The following MEF2C variants were observed in gnomAD, a reference collection of about 807,000 sequenced individuals.
MEF2C encodes myocyte enhancer factor 2C.
Under a neutral mutation model 50.5 loss-of-function variants are expected in MEF2C, and 6 were observed. That is an observed-to-expected ratio of 0.12 (90% CI 0.07 to 0.23). The LOEUF (loss-of-function observed/expected upper bound fraction) is 0.23, where lower values mean the gene tolerates loss of function less well. Ranked by LOEUF, MEF2C falls within the 10% of genes least tolerant of loss-of-function variation. The pLI is 1.00. For synonymous variants in MEF2C, 183 were observed against 228.0 expected (o/e 0.80, Z 1.78); for missense variants, 276 against 605.0 (o/e 0.46, Z 5.70).
chr5:88,887,436 GAGTTTGGC>G (rs1834128503), upstream of MEF2C: 2 of 152,156 alleles, frequency 1.3e-5, no homozygotes, highest in African/African-American at 4.8e-5. Flanking sequence ...TAAGGCCAAG[GAGTTTGGC>G]AGTTTTACCT....
chr5:88,844,617 CA>C, intron 1 of MEF2C: 5 of 799,824 alleles, frequency 6.3e-6, no homozygotes, highest in Non-Finnish European at 7.6e-6. Flanking sequence ...CACAGTACAC[CA>C]AAAATACTAA....
chr5:88,753,935 T>C (rs1418329314), intron 4 of MEF2C, among the ~76,000 whole-genome samples: 4 of 152,202 alleles, frequency 2.6e-5, no homozygotes, highest in Non-Finnish European at 5.9e-5. Context: ...ATGAATAAAA[T>C]ATTGTATTTC....
chr5:88,752,479 T>C, intron 4 of MEF2C: 3 of 476,710 alleles, frequency 6.3e-6, no homozygotes, highest in Non-Finnish European at 8.2e-6. Flanking sequence ...ATGTAGAAGT[T>C]TAATGATAGA....
At position 88,720,167 on chromosome 5, in the gene MEF2C, A is replaced by T. The variant is rs1755812834; in HGVS notation, c.*2437T>A. ...TAGAAGGATGGGTTGTAAGGATGGG[A>T]TCAAGTCTATGGTGAGGAAAATGAT... is the stretch of plus-strand genomic sequence containing the variant. On this transcript the variant is annotated 3_prime_UTR_variant, in exon 11 of 11. Transcript: ENST00000504921. The T allele has an allele frequency of 6.6e-6, 1 of 152,090 alleles. No homozygotes were observed. Among genetic ancestry groups the T allele is most frequent in the South Asian group, 2.1e-4 (1 of 4,832 alleles). 9.4% of individuals were successfully genotyped at this position (152,090 alleles called of 1,614,324 possible).
At chr5:88,829,954 T>A (rs1333870115) in intron 1 of MEF2C, among the ~76,000 whole-genome samples, 1 of 152,004 alleles carries the variant, frequency 6.6e-6, no homozygotes, top group African/African-American at 2.4e-5. Flanking sequence ...CTCGTATGAT[T>A]GCTTCCGTTT....
chr5:88,788,296 G>A (rs998183083), intron 3 of MEF2C, among the ~76,000 whole-genome samples: 3 of 152,094 alleles, frequency 2.0e-5, no homozygotes, highest in African/African-American at 7.2e-5. Context: ...CGCCTCCCGG[G>A]CTCAAGCAAT....
chr5:88,848,165 T>C (rs1286629624), intron 1 of MEF2C, among the ~76,000 whole-genome samples: 1 of 152,094 alleles, frequency 6.6e-6, no homozygotes, highest in East Asian at 1.9e-4. Context: ...TATAGAATAA[T>C]TTGCCATTTA....
chr5:88,731,274 C>T (rs1277291141), intron 7 of MEF2C, among the ~76,000 whole-genome samples: 1 of 152,056 alleles, frequency 6.6e-6, no homozygotes, highest in Non-Finnish European at 1.5e-5. Context: ...AAAGGATTTG[C>T]TAATTAACAG....
chr5:88,736,927 A>T, intron 6 of MEF2C: 1 of 985,310 alleles, frequency 1.0e-6, no homozygotes, highest in Non-Finnish European at 1.2e-6. Flanking sequence ...TTAAGGATCA[A>T]CTAAAGTTCC....
chr5:88,747,151 T>G (rs1291253765), intron 6 of MEF2C, among the ~76,000 whole-genome samples: 1 of 152,170 alleles, frequency 6.6e-6, no homozygotes. Context: ...TCTCTATCCC[T>G]AGAGGATCAT....
At chr5:88,874,196 T>C (rs184309500) in intron 1 of MEF2C, among the ~76,000 whole-genome samples, 1 of 152,124 alleles carries the variant, frequency 6.6e-6, no homozygotes, top group East Asian at 1.9e-4. Context: ...TAATCGGGTA[T>C]AGTTTTATCA....
chr5:88,855,421 T>C (rs1024683600), intron 1 of MEF2C, among the ~76,000 whole-genome samples: 6 of 152,236 alleles, frequency 3.9e-5, no homozygotes, highest in African/African-American at 7.2e-5. Flanking sequence ...GTTCACAGAT[T>C]ATTTTTCTGA....
At chr5:88,824,267 T>C (rs1581244155) in intron 1 of MEF2C, 2 of 984,668 alleles carry the variant, frequency 2.0e-6, no homozygotes, top group African/African-American at 1.7e-5. Context: ...TCACCCGTTA[T>C]GAAAAATTAC....
At chr5:88,766,292 A>G (rs1042678359) in intron 3 of MEF2C, among the ~76,000 whole-genome samples, 1 of 152,230 alleles carries the variant, frequency 6.6e-6, no homozygotes, top group African/African-American at 2.4e-5. Context: ...AGAATGCTAC[A>G]TGGAGCTCTC....
intron 3 of MEF2C, among the ~76,000 whole-genome samples, chr5:88,787,239 A>G (rs923902233): frequency 1.3e-5 from 2 of 152,252 alleles, no homozygotes; most frequent in South Asian, 2.1e-4. Context: ...TAAATAATAC[A>G]CTTATTAGCA....
chr5:88,722,607 T>A lies in MEF2C; in HGVS notation c.1419A>T (p.Thr473=). 6.2e-7 allele frequency: 1 copy of A among 1,608,394 alleles called. No individual in the cohort carries two copies. Among genetic ancestry groups the A allele is most frequent in the Non-Finnish European group, 8.5e-7 (1 of 1,177,152 alleles). The change falls in exon 11 of 11, where the codon ACA becomes ACT. Residue 473 remains threonine, a synonymous_variant. Transcript: ENST00000504921. ...KRMRLSEGWA[T] ...AAACTAGTAAGTAATAATCTGATCA[T>A]GTTGCCCATCCTTCAGAAAGTCGCA...
chr5:88,840,023 A>G (rs1816755224), intron 1 of MEF2C, among the ~76,000 whole-genome samples: 1 of 152,254 alleles, frequency 6.6e-6, no homozygotes. Context: ...CTAAGGTAAG[A>G]GTAGAAACAC....
chr5:88,832,365 GAAATTATCTCTT>G (rs1372729701), intron 1 of MEF2C, among the ~76,000 whole-genome samples: 1 of 151,534 alleles, frequency 6.6e-6, no homozygotes, highest in African/African-American at 2.4e-5. Flanking sequence ...TTTAACATTT[GAAATTATCTCTT>G]TACCTCCCTC....
intron 3 of MEF2C, among the ~76,000 whole-genome samples, chr5:88,767,361 A>G (rs1408979697): frequency 6.6e-6 from 1 of 152,168 alleles, no homozygotes; most frequent in Non-Finnish European, 1.5e-5. Flanking sequence ...TGTCTATACT[A>G]TCTCTCCCTG....
Sources: gnomAD v4.1 joint callset for allele counts (sites outside exome capture counted in the v4.1 genomes callset) on GRCh38, gnomAD v4.1.1 for gene constraint, MANE v1.5 for transcripts, NCBI Gene and HGNC (gene_info 2026-07-23, HGNC 2026-07-21) for gene names.